ZFP64: variants seen among roughly 807,000 people sequenced by gnomAD.
ZFP64 encodes the protein ZFP64 zinc finger protein, also known as zinc finger protein 64.
Under a neutral mutation model 51.6 loss-of-function variants are expected in ZFP64, and 14 were observed. The observed-to-expected ratio is 0.27, with a 90% CI of 0.18 to 0.42. The LOEUF is 0.42. Ranked by LOEUF, ZFP64 falls within the 10% of genes least tolerant of loss-of-function variation. The pLI is 1.00. For missense variants in ZFP64, 754 were observed against 906.8 expected (o/e 0.83, Z 2.16); for synonymous variants, 375 against 361.4 (o/e 1.04, Z -0.43).
At chr20:52,169,308 C>G (rs930573277) in intron 2 of ZFP64, among the ~76,000 whole-genome samples, 1 of 152,224 alleles carries the variant, frequency 6.6e-6, no homozygotes, top group Non-Finnish European at 1.5e-5. Flanking sequence ...GGATGATCAA[C>G]CATCCCTGTT....
At chr20:52,084,125 A>T (rs183256765) in exon 9 of ZFP64, 1 of 162,634 alleles carries the variant, frequency 6.1e-6, no homozygotes, top group African/African-American at 2.4e-5. Flanking sequence ...GTTTTCCAGC[A>T]ACCCCAGACC....
At chr20:52,084,592 G>C (rs756672726) in exon 9 of ZFP64, 1 of 1,613,920 alleles carries the variant, frequency 6.2e-7, no homozygotes, top group South Asian at 1.1e-5. Context: ...GGAGCCTCGA[G>C]CTGCCCCACG....
At chr20:52,092,751 G>C (rs1260414655) in intron 7 of ZFP64, among the ~76,000 whole-genome samples, 1 of 152,146 alleles carries the variant, frequency 6.6e-6, no homozygotes, top group Non-Finnish European at 1.5e-5. Flanking sequence ...AGCTACTCAG[G>C]AGGCTGAGGC....
chr20:52,100,095 G>A lies in ZFP64; in HGVS notation c.764-1508C>T, dbSNP rs139941007. Among the ~76,000 whole-genome samples, 479 of 152,316 alleles carry A rather than the reference G, an allele frequency of 3.1e-3. 2 individuals carry two copies. Among genetic ancestry groups the A allele is most frequent in the African/African-American group, 0.011 (455 of 41,566 alleles). The stretch of plus-strand genomic sequence containing the variant: ...TGCAAATTCCGCCTCCCGGGTTCAC[G>A]CCATTCTCCTGCTTCAGTCTCCCAA... On this transcript the variant is annotated intron_variant, in intron 5 of 8. Coordinates refer to the ZFP64 transcript ENST00000361387.
At chr20:52,164,922 C>T (rs979627048) in intron 3 of ZFP64, 165 bp from the exon 4 acceptor site, 9 of 705,428 alleles carry the variant, frequency 1.3e-5, no homozygotes, top group East Asian at 8.2e-5. Flanking sequence ...AAAAACACAC[C>T]GTCATTTTGT....
At chr20:52,159,392 C>T (rs1981586742) in intron 5 of ZFP64, among the ~76,000 whole-genome samples, 1 of 152,216 alleles carries the variant, frequency 6.6e-6, no homozygotes, top group Non-Finnish European at 1.5e-5. Context: ...ATCAAAGATA[C>T]ATGGCTTATA....
chr20:52,158,063 C>T (rs1421687378), intron 5 of ZFP64, among the ~76,000 whole-genome samples: 2 of 152,174 alleles, frequency 1.3e-5, no homozygotes, highest in Non-Finnish European at 2.9e-5. Context: ...TTTATCCAGT[C>T]TATCATTGAT....
At chr20:52,105,688 G>A (rs568797358) in intron 5 of ZFP64, 1 of 150,948 alleles carries the variant, frequency 6.6e-6, no homozygotes, top group South Asian at 2.2e-4. Context: ...TGGGGATCTC[G>A]TTAAAATGCA....
chr20:52,180,304 C>T (rs1983522262), intron 2 of ZFP64, among the ~76,000 whole-genome samples: 4 of 152,204 alleles, frequency 2.6e-5, no homozygotes, highest in Admixed American at 2.6e-4. Context: ...CTTGGAATCG[C>T]ATTGGAATTC....
At chr20:52,097,353 T>C (rs1189092448) in intron 7 of ZFP64, 1 of 1,610,514 alleles carries the variant, frequency 6.2e-7, no homozygotes, top group African/African-American at 1.3e-5. Flanking sequence ...ACTGAGCTGT[T>C]GAACAGAATG....
intron 7 of ZFP64, chr20:52,097,109 G>T: frequency 1.5e-6 from 1 of 683,398 alleles, no homozygotes; most frequent in Non-Finnish European, 2.6e-6. Flanking sequence ...GCAGCTGGCT[G>T]CCCTAAAAAA....
chr20:52,152,376 T>C lies in ZFP64; in HGVS notation c.1816A>G (p.Ser606Gly). Residue 606 changes from serine (S) to glycine (G), a missense_variant, in exon 6 of 6, where the codon AGT becomes GGT. Transcript: ENST00000216923. ...EGSGNQTFIT[S>G]SGITCTDFEG... Reference sequence around the variant, plus strand: ...AAGTCAGTGCAAGTAATACCCGAACTGGTAATGAAAGTTTGATTGCCAGAG... The same window carrying C: ...AAGTCAGTGCAAGTAATACCCGAACCGGTAATGAAAGTTTGATTGCCAGAG... 6.2e-7 allele frequency: 1 copy of C among 1,614,166 alleles called. No individual in the cohort carries two copies. Among genetic ancestry groups the C allele is most frequent in the Non-Finnish European group, 8.5e-7 (1 of 1,180,022 alleles).
intron 5 of ZFP64, chr20:52,110,929 T>C (rs1978528472): frequency 6.3e-7 from 1 of 1,583,526 alleles, no homozygotes; most frequent in Non-Finnish European, 8.7e-7. Context: ...ATCCTGCTTC[T>C]CACCGTAGCG....
intron 6 of ZFP64, among the ~76,000 whole-genome samples, chr20:52,098,167 G>A (rs1483990098): frequency 1.1e-5 from 1 of 87,490 alleles, no homozygotes; most frequent in Non-Finnish European, 2.1e-5. Flanking sequence ...GAGTGAAACT[G>A]TCTCCAAAAA....
At chr20:52,149,206 T>C (rs561155263), downstream of ZFP64, among the ~76,000 whole-genome samples, 13 of 150,760 alleles carry the variant, frequency 8.6e-5, no homozygotes, top group Non-Finnish European at 1.6e-4. Context: ...TTGTGAAAAT[T>C]AATCCGTATT....
intron 5 of ZFP64, among the ~76,000 whole-genome samples, chr20:52,123,353 T>G (rs1166595123): frequency 6.6e-6 from 1 of 152,194 alleles, no homozygotes; most frequent in African/African-American, 2.4e-5. Flanking sequence ...TAAAATGCTA[T>G]CAAACAGCAT....
At chr20:52,138,128 G>A (rs956195877) in intron 5 of ZFP64, among the ~76,000 whole-genome samples, 1 of 151,958 alleles carries the variant, frequency 6.6e-6, no homozygotes, top group Non-Finnish European at 1.5e-5. Flanking sequence ...GATCACTTGG[G>A]CTGGGGAGGT....
At position 52,171,144 on chromosome 20, in the gene ZFP64, C is replaced by T. The variant is rs901596093; in HGVS notation, c.287-5119G>A. On this transcript the variant is annotated intron_variant, in intron 2 of 5. Coordinates refer to ENST00000216923, the MANE Select transcript of ZFP64 (RefSeq NM_018197.3). ...CATCCAGATGGTCGGCTTGCTGGCG[C>T]CTCCTAGCTGGATTTATCAAGGGTA... Among the ~76,000 whole-genome samples the T allele has an allele frequency of 7.9e-5, 12 of 152,336 alleles. No individual in the cohort carries two copies. The East Asian group carries it at 1.3e-3, about 17-fold the overall frequency.
At chr20:52,118,213 T>C (rs1978980794) in intron 5 of ZFP64, among the ~76,000 whole-genome samples, 1 of 151,538 alleles carries the variant, frequency 6.6e-6, no homozygotes, top group African/African-American at 2.4e-5. Context: ...TCCCCTCTGC[T>C]CCCACACCCC....
Sources: allele counts gnomAD v4.1 joint callset (sites outside exome capture counted in the v4.1 genomes callset), GRCh38; gene constraint gnomAD v4.1.1; transcripts MANE v1.5; gene names NCBI Gene and HGNC (gene_info 2026-07-23, HGNC 2026-07-21).